MMP26: variants seen among roughly 807,000 people sequenced by gnomAD.
MMP26 encodes matrix metalloproteinase-26.
MMP26 carries 33 observed loss-of-function variants against 31.0 expected under a neutral mutation model. The observed-to-expected ratio is 1.06, with a 90% CI of 0.81 to 1.42. The LOEUF is 1.42. MMP26 is among the 40% of genes most tolerant of loss of function. The pLI is 0.00. For missense variants in MMP26, 347 were observed against 316.1 expected, an observed-to-expected ratio of 1.10 and a Z score of -0.74; for synonymous variants, 122 against 114.9, an observed-to-expected ratio of 1.06 and a Z score of -0.40.
At chr11:4,719,892 C>G (rs1036861831) in intron 1 of MMP26, among the ~76,000 whole-genome samples, 1 of 152,162 alleles carries the variant, frequency 6.6e-6, no homozygotes, top group African/African-American at 2.4e-5. Context: ...GAGAAAGTGT[C>G]TACTTATTAT....
chr11:4,837,928 A>C (rs1849740492), intron 2 of MMP26, among the ~76,000 whole-genome samples: 2 of 151,578 alleles, frequency 1.3e-5, no homozygotes, highest in Non-Finnish European at 2.9e-5. Context: ...ATTAATTAAA[A>C]TGTTATTAAT....
chr11:4,890,979 G>GAATAATAATAATAATAATAAT (rs71050436), intron 2 of MMP26, among the ~76,000 whole-genome samples: 16 of 137,114 alleles, frequency 1.2e-4, no homozygotes, highest in Admixed American at 5.2e-4. Context: ...AATGAACTCA[G>GAATAATAATAATAATAATAAT]AATAATAATA....
At chr11:4,786,509 T>TATTTTA (rs1564909334) in intron 2 of MMP26, among the ~76,000 whole-genome samples, 1 of 145,882 alleles carries the variant, frequency 6.9e-6, no homozygotes, top group Non-Finnish European at 1.5e-5. Context: ...TTTTTTTTTT[T>TATTTTA]TTTTTTTTTT....
chr11:4,872,469 C>A (rs1360472710), intron 2 of MMP26, among the ~76,000 whole-genome samples: 1 of 151,968 alleles, frequency 6.6e-6, no homozygotes, highest in Non-Finnish European at 1.5e-5. Flanking sequence ...GTCAGTAAAA[C>A]AAGAACTTTA....
chr11:4,885,264 G>GA (rs767337699), intron 2 of MMP26, among the ~76,000 whole-genome samples: 147 of 151,850 alleles, frequency 9.7e-4, no homozygotes, highest in Non-Finnish European at 1.7e-3. Context: ...TTGAGAAATA[G>GA]AAAAAAAATT....
intron 2 of MMP26, among the ~76,000 whole-genome samples, chr11:4,939,045 G>A (rs1287965347): frequency 2.0e-5 from 3 of 151,998 alleles, no homozygotes; most frequent in African/African-American, 7.2e-5. Flanking sequence ...GTTGATATAT[G>A]TTTCTTAAAT....
At chr11:4,939,956 A>G (rs1372173242) in intron 2 of MMP26, among the ~76,000 whole-genome samples, 2 of 152,158 alleles carry the variant, frequency 1.3e-5, no homozygotes, top group East Asian at 3.9e-4. Context: ...GACTGTGGCC[A>G]TTTGTGTTCT....
intron 2 of MMP26, among the ~76,000 whole-genome samples, chr11:4,897,840 G>A (rs970713000): frequency 6.6e-6 from 1 of 150,518 alleles, no homozygotes; most frequent in Non-Finnish European, 1.5e-5. Context: ...GTTTCTACCT[G>A]TGTTGCAAAC....
intron 2 of MMP26, among the ~76,000 whole-genome samples, chr11:4,905,232 T>G (rs897727265): frequency 1.3e-5 from 2 of 152,100 alleles, no homozygotes; most frequent in African/African-American, 4.8e-5. Context: ...GTCTCCACAT[T>G]ATACTTACCC....
At chr11:4,769,315 T>A (rs1322285493) in intron 2 of MMP26, 1 of 1,613,480 alleles carries the variant, frequency 6.2e-7, no homozygotes, top group Admixed American at 1.7e-5. Context: ...GATCAATTAA[T>A]CCACAGATGC....
chr11:4,890,928 T>C (rs1455634750), intron 2 of MMP26, among the ~76,000 whole-genome samples: 1 of 150,226 alleles, frequency 6.7e-6, no homozygotes, highest in African/African-American at 2.4e-5. Flanking sequence ...ACAAATTGTA[T>C]AGAGTCAGAA....
At chr11:4,789,536 T>C (rs1589901158) in intron 2 of MMP26, among the ~76,000 whole-genome samples, 1 of 101,226 alleles carries the variant, frequency 9.9e-6, no homozygotes, top group African/African-American at 5.9e-5. Context: ...CCCACTTTTT[T>C]TTTTTTTTTT....
chr11:4,869,963 A>G (rs1850289101), intron 2 of MMP26, among the ~76,000 whole-genome samples: 1 of 152,182 alleles, frequency 6.6e-6, no homozygotes, highest in Admixed American at 6.6e-5. Flanking sequence ...TGAGAAAACT[A>G]TCACAAGGAC....
chr11:4,822,401 C>A (rs1849522764), intron 2 of MMP26: 2 of 1,436,984 alleles, frequency 1.4e-6, no homozygotes, highest in Admixed American at 2.7e-5. Context: ...AGAGATAAAG[C>A]CATTTATGAA....
rs759466899 is a variant in MMP26 at position 4,932,954 on chromosome 11, C to T, written c.-144-55114C>T. On this transcript the variant is annotated intron_variant, in intron 2 of 7. Transcript: ENST00000380390. Reference sequence around the variant, plus strand: ...TGCCTTGTTTACAATCTAAGACAAACATTGGCATTGAAGCATGTGTTGGAC... The same window carrying T: ...TGCCTTGTTTACAATCTAAGACAAATATTGGCATTGAAGCATGTGTTGGAC... Among the ~76,000 whole-genome samples, 136 of 152,044 alleles carry T rather than the reference C, an allele frequency of 8.9e-4. 1 individual carries two copies. The highest frequency in any genetic ancestry group is 5.9e-4 in the Admixed American group (9 of 15,250).
chr11:4,809,437 C>T (rs1253004422), intron 2 of MMP26, among the ~76,000 whole-genome samples: 2 of 152,170 alleles, frequency 1.3e-5, no homozygotes, highest in East Asian at 3.9e-4. Context: ...CCAACTATAA[C>T]ACCCACTGGC....
intron 2 of MMP26, among the ~76,000 whole-genome samples, chr11:4,845,675 A>G (rs1849857368): frequency 6.6e-6 from 1 of 152,202 alleles, no homozygotes; most frequent in Non-Finnish European, 1.5e-5. Context: ...GAATGGAAGG[A>G]AATATTTGCA....
chr11:4,986,932 C>CTCTCCCTCTCTCTCTCTCT, intron 2 of MMP26, among the ~76,000 whole-genome samples: 1 of 60,448 alleles, frequency 1.7e-5, no homozygotes, highest in South Asian at 6.8e-4. Flanking sequence ...TCTCTCTCTC[C>CTCTCCCTCTCTCTCTCTCT]CTCTCTCTCT....
At chr11:4,784,032 A>G (rs756627804) in intron 2 of MMP26, among the ~76,000 whole-genome samples, 52 of 152,216 alleles carry the variant, frequency 3.4e-4, no homozygotes, top group Non-Finnish European at 6.6e-4. Context: ...TAAAATAGTG[A>G]CATTTTATTG....
Sources: gnomAD v4.1 joint callset for allele counts (sites outside exome capture counted in the v4.1 genomes callset) on GRCh38, gnomAD v4.1.1 for gene constraint, MANE v1.5 for transcripts, NCBI Gene and HGNC (gene_info 2026-07-23, HGNC 2026-07-21) for gene names.